Variants in MYO5B observed in about 807,000 individuals in gnomAD.
MYO5B encodes the protein myosin VB.
MYO5B carries 143 observed loss-of-function variants against 229.3 expected under a neutral mutation model. The observed-to-expected ratio is 0.62, with a 90% confidence interval of 0.54 to 0.72. The LOEUF (loss-of-function observed/expected upper bound fraction) is 0.72, where lower values mean the gene tolerates loss of function less well. Ranked by LOEUF, MYO5B falls within the 30% of genes least tolerant of loss-of-function variation. MYO5B has a pLI of 0.00. For synonymous variants in MYO5B, 918 were observed against 885.2 expected, an observed-to-expected ratio of 1.04 and a Z score of -0.66; for missense variants, 2,321 against 2,331.0, an observed-to-expected ratio of 1.00 and a Z score of 0.09.
intron 1 of MYO5B, among the ~76,000 whole-genome samples, chr18:50,164,204 T>C (rs1401197751): frequency 6.6e-6 from 1 of 152,208 alleles, no homozygotes; most frequent in East Asian, 1.9e-4. Flanking sequence ...TTTGGGCGCC[T>C]TTCGCATTAT....
rs115088082 is a variant in MYO5B, at chr18:50,061,972, G to A, written c.28-6594C>T. 5.5e-3 allele frequency among the ~76,000 whole-genome samples: 845 copies of A among 152,284 alleles called. 7 individuals are homozygous for A. The highest frequency in any genetic ancestry group is 0.019 in the African/African-American group (801 of 41,546). ...ATCCTCTTTTATACAGGAGAAACCT[G>A]AGGGTTAAAAGTACTGAACAATTTG... On this transcript the variant is annotated intron_variant, in intron 1 of 39. Transcript: ENST00000285039.
intron 18 of MYO5B, among the ~76,000 whole-genome samples, chr18:49,909,415 A>T (rs1440789605): frequency 6.6e-6 from 1 of 152,196 alleles, no homozygotes; most frequent in East Asian, 1.9e-4. Context: ...AACCTTGGGC[A>T]ATTTATATCA....
intron 4 of MYO5B, among the ~76,000 whole-genome samples, chr18:50,028,273 C>CT (rs937474608): frequency 1.2e-4 from 18 of 152,228 alleles, no homozygotes; most frequent in African/African-American, 3.9e-4. Flanking sequence ...AATTTAGTGG[C>CT]TTGTAAACTT....
chr18:50,104,265 GATATATATATAT>G (rs3075606), intron 1 of MYO5B, among the ~76,000 whole-genome samples: 5 of 134,562 alleles, frequency 3.7e-5, no homozygotes, highest in African/African-American at 8.3e-5. Flanking sequence ...ATCTATACAT[GATATATATATAT>G]ATATATATAT....
intron 17 of MYO5B, among the ~76,000 whole-genome samples, chr18:49,922,861 T>C (rs1038463118): frequency 1.3e-5 from 2 of 152,138 alleles, no homozygotes; most frequent in Non-Finnish European, 1.5e-5. Context: ...AAGACAGCTA[T>C]CAGCTGCCCC....
Position 49,886,332 on chromosome 18 carries a change from C to T in MYO5B, c.3046-5877G>A, listed in dbSNP as rs191512103. Reference sequence around the variant, plus strand: ...TTCAAGCAGACTCAGTTTGTCTCATCCGTTTATCTGTAGATGGGCTTCCAT... The same window carrying T: ...TTCAAGCAGACTCAGTTTGTCTCATTCGTTTATCTGTAGATGGGCTTCCAT... On this transcript the variant is annotated intron_variant, in intron 22 of 39. Transcript: ENST00000285039. 3.2e-3 allele frequency among the ~76,000 whole-genome samples: 480 copies of T among 152,264 alleles called. 1 individual carries two copies. The highest frequency in any genetic ancestry group is 0.01 in the Middle Eastern group (3 of 294).
chr18:49,968,183 G>A (rs978230798), intron 10 of MYO5B, among the ~76,000 whole-genome samples: 2 of 152,128 alleles, frequency 1.3e-5, no homozygotes, highest in Non-Finnish European at 2.9e-5. Context: ...TGTGTTGTAG[G>A]CTTTTAAAAG....
chr18:49,936,325 T>C lies in MYO5B; in HGVS notation c.1930A>G (p.Met644Val), dbSNP rs772986195. The part of the protein sequence containing the change: ...HQFRTSLHLL[M>V]ETLNATTPHY... ...GGTGTCGTGGCATTCAGGGTCTCCA[T>C]GAGCAGATGCAGGGAGGTACGGAAC... Residue 644 changes from methionine (M) to valine (V), a missense_variant, in exon 16 of 40, where the codon ATG (methionine) becomes GTG (valine). This residue lies in a region of MYO5B where 2,113 missense variants were observed against 2,044.7 expected (regional missense o/e 1.03). Transcript: ENST00000285039. The C allele has an allele frequency of 2.5e-6, 4 of 1,601,930 alleles. No individual in the cohort carries two copies. The highest frequency in any genetic ancestry group is 2.6e-6 in the Non-Finnish European group (3 of 1,173,448).
rs573553051 is a variant in MYO5B at position 50,085,238 on chromosome 18, T to C, written c.28-29860A>G. 9.2e-5 allele frequency among the ~76,000 whole-genome samples: 14 copies of C among 151,980 alleles called. No homozygotes were observed. The South Asian group carries it at 2.3e-3, about 25-fold the overall frequency. ...TATAAGAAAAAAACAAACAACCCCATCAAAAAGTGGGTGAAGGATATGAAC... is the reference window on the plus strand; with the variant it reads ...TATAAGAAAAAAACAAACAACCCCACCAAAAAGTGGGTGAAGGATATGAAC... On this transcript the variant is annotated intron_variant, in intron 1 of 39. Coordinates refer to ENST00000285039, the MANE Select transcript of MYO5B (RefSeq NM_001080467.3).
chr18:49,929,436 AG>A, intron 17 of MYO5B, 75 bp downstream of exon 17: 4 of 1,203,826 alleles, frequency 3.3e-6, no homozygotes, highest in Admixed American at 2.3e-5. Flanking sequence ...GACGGTACAC[AG>A]AGGGCTCCCT....
chr18:49,984,551 G>A (rs2025850424), intron 8 of MYO5B, among the ~76,000 whole-genome samples, 167 bp downstream of exon 8: 2 of 152,228 alleles, frequency 1.3e-5, no homozygotes, highest in Non-Finnish European at 2.9e-5. Context: ...TAGAGCCTGA[G>A]GGTTGGGATG....
chr18:50,055,246 C>G (rs1488516632), intron 2 of MYO5B, 22 bp downstream of exon 2: 3 of 1,161,556 alleles, frequency 2.6e-6, no homozygotes, highest in South Asian at 2.5e-5. Context: ...CCCCCGCCCC[C>G]CTGCCCCGGA....
intron 1 of MYO5B, among the ~76,000 whole-genome samples, chr18:50,154,476 A>C (rs1445500484): frequency 6.6e-6 from 1 of 152,188 alleles, no homozygotes; most frequent in Non-Finnish European, 1.5e-5. Context: ...ATATTGGGGA[A>C]GGGAAGATAC....
rs760111631 is a variant in MYO5B, at chr18:49,877,751, T to C, written c.3396+12A>G. The C allele has an allele frequency of 6.2e-7, 1 of 1,613,770 alleles. No individual in the cohort carries two copies. Among genetic ancestry groups the C allele is most frequent in the South Asian group, 1.1e-5 (1 of 91,060 alleles). On this transcript the variant is annotated intron_variant, in intron 25 of 39. Coordinates refer to ENST00000285039, the MANE Select transcript of MYO5B (RefSeq NM_001080467.3). ...TGGAGGAGGACAGTACCCAAGAGCCTGCATCACTCACCTCCACCTGCTGGA... is the reference window on the plus strand; with the variant it reads ...TGGAGGAGGACAGTACCCAAGAGCCCGCATCACTCACCTCCACCTGCTGGA...
intron 36 of MYO5B, among the ~76,000 whole-genome samples, chr18:49,838,467 G>C (rs564518681): frequency 2.6e-5 from 4 of 152,170 alleles, no homozygotes; most frequent in Admixed American, 1.3e-4. Flanking sequence ...AGGAAGGAGG[G>C]TTTGGAATGA....
At chr18:50,052,870 C>G (rs2030437288) in intron 2 of MYO5B, among the ~76,000 whole-genome samples, 1 of 152,068 alleles carries the variant, frequency 6.6e-6, no homozygotes, top group African/African-American at 2.4e-5. Context: ...GCGGAAGGTC[C>G]TATCATAAGT....
chr18:49,929,461 CT>C, intron 17 of MYO5B, 50 bp downstream of exon 17: 1 of 1,492,070 alleles, frequency 6.7e-7, no homozygotes, highest in East Asian at 2.3e-5. Flanking sequence ...GAACCAAACT[CT>C]GGCTGCTCTA....
chr18:50,146,719 G>C (rs911897438), intron 1 of MYO5B, among the ~76,000 whole-genome samples: 3 of 152,182 alleles, frequency 2.0e-5, no homozygotes, highest in East Asian at 3.9e-4. Flanking sequence ...TGTATTTTGC[G>C]ATCTCTTTAG....
At chr18:49,865,541 C>T (rs907318156) in intron 27 of MYO5B, among the ~76,000 whole-genome samples, 2 of 152,192 alleles carry the variant, frequency 1.3e-5, no homozygotes, top group African/African-American at 4.8e-5. Flanking sequence ...CTCAGGAGAG[C>T]CAGTGTCACA....
Sources: gnomAD v4.1 joint callset for allele counts (sites outside exome capture counted in the v4.1 genomes callset) on GRCh38, gnomAD v4.1.1 for gene constraint, gnomAD v4.1.1 regional missense constraint, MANE v1.5 for transcripts, NCBI Gene and HGNC (gene_info 2026-07-23, HGNC 2026-07-21) for gene names.